Variants in DLGAP2 observed in about 807,000 individuals in gnomAD.
DLGAP2 encodes disks large-associated protein 2.
In DLGAP2, 26 loss-of-function variants were observed where a neutral mutation model predicts 100.3. The ratio of observed to expected loss-of-function variants is 0.26; its 90% CI spans 0.19 to 0.36. The LOEUF is 0.36. DLGAP2 is among the 10% of genes least tolerant of loss of function. DLGAP2 has a pLI of 1.00. For missense variants in DLGAP2, 1,858 were observed against 1,453.2 expected, an observed-to-expected ratio of 1.28 and a Z score of -4.53; for synonymous variants, 886 against 630.1, an observed-to-expected ratio of 1.41 and a Z score of -6.08.
At chr8:1,456,731 CGGTCGTTGG>C (rs1462546053) in intron 3 of DLGAP2, among the ~76,000 whole-genome samples, 2 of 12,098 alleles carry the variant, frequency 1.7e-4, no homozygotes, top group Admixed American at 9.8e-4. Context: ...CTGAAGGCCC[CGGTCGTTGG>C]ACGTCAGCAG....
chr8:1,542,462 C>G (rs536180268), intron 4 of DLGAP2, among the ~76,000 whole-genome samples: 3 of 152,242 alleles, frequency 2.0e-5, no homozygotes, highest in Non-Finnish European at 4.4e-5. Context: ...TCTGCCTGTT[C>G]TGCACACTTC....
intron 6 of DLGAP2, among the ~76,000 whole-genome samples, chr8:1,602,516 A>T (rs551816601): frequency 1.3e-4 from 20 of 152,280 alleles, no homozygotes; most frequent in Non-Finnish European, 2.4e-4. Flanking sequence ...GCCCGAATCC[A>T]CGGAGGCCGG....
intron 3 of DLGAP2, among the ~76,000 whole-genome samples, chr8:1,425,558 C>T (rs1797215391): frequency 1.3e-5 from 2 of 152,178 alleles, no homozygotes; most frequent in African/African-American, 4.8e-5. Flanking sequence ...GAAGGCGTTC[C>T]TCTGGATCCC....
At chr8:1,391,553 C>G (rs1035476292) in intron 3 of DLGAP2, among the ~76,000 whole-genome samples, 1 of 152,148 alleles carries the variant, frequency 6.6e-6, no homozygotes, top group Non-Finnish European at 1.5e-5. Context: ...TCAGTTGGAG[C>G]GCTACCAGCA....
intron 6 of DLGAP2, among the ~76,000 whole-genome samples, chr8:1,613,720 T>A (rs1223567068): frequency 6.6e-6 from 1 of 152,162 alleles, no homozygotes; most frequent in Non-Finnish European, 1.5e-5. Context: ...ACAGCAGCAG[T>A]AAAGCCCTTT....
At chr8:1,500,283 G>T (rs1000045241) in intron 3 of DLGAP2, among the ~76,000 whole-genome samples, 5 of 152,220 alleles carry the variant, frequency 3.3e-5, no homozygotes, top group Non-Finnish European at 4.4e-5. Context: ...GTGTCGGGCA[G>T]AGCCTCCCTG....
chr8:1,027,550 C>G (rs1363598699), intron 2 of DLGAP2, among the ~76,000 whole-genome samples: 2 of 150,130 alleles, frequency 1.3e-5, no homozygotes, highest in Admixed American at 6.6e-5. Context: ...CATTATTCTC[C>G]AGGTGGGGTG....
At chr8:1,490,057 AT>A (rs142682116) in intron 3 of DLGAP2, among the ~76,000 whole-genome samples, 1 of 150,926 alleles carries the variant, frequency 6.6e-6, no homozygotes, top group Non-Finnish European at 1.5e-5. Context: ...GCACCCGGCT[AT>A]TTTTTTTGCA....
intron 4 of DLGAP2, among the ~76,000 whole-genome samples, chr8:1,516,271 A>G (rs866311170): frequency 4.0e-5 from 6 of 151,500 alleles, no homozygotes; most frequent in Admixed American, 6.6e-5. Flanking sequence ...GAGCACACAA[A>G]TGAGTGACTG....
intron 1 of DLGAP2, among the ~76,000 whole-genome samples, chr8:815,428 A>G (rs1438600676): frequency 6.6e-6 from 1 of 152,208 alleles, no homozygotes; most frequent in Admixed American, 6.5e-5. Flanking sequence ...TCAGACCATC[A>G]CAGTGGTCAG....
At chr8:1,514,994 C>T (rs577610538) in intron 4 of DLGAP2, among the ~76,000 whole-genome samples, 11 of 151,330 alleles carry the variant, frequency 7.3e-5, no homozygotes, top group South Asian at 2.1e-4. Context: ...GAGAGACTGA[C>T]GTGGAGGGAG....
At chr8:878,600 C>T (rs1015659568) in intron 1 of DLGAP2, among the ~76,000 whole-genome samples, 4 of 152,266 alleles carry the variant, frequency 2.6e-5, no homozygotes, top group Middle Eastern at 3.4e-3. Flanking sequence ...CCAAAACTCA[C>T]TGAGGCTTGG....
intron 2 of DLGAP2, among the ~76,000 whole-genome samples, chr8:1,033,303 T>C (rs1233261314): frequency 6.6e-6 from 1 of 152,172 alleles, no homozygotes; most frequent in Non-Finnish European, 1.5e-5. Context: ...TTGCTTCTCT[T>C]AGAAAACACA....
intron 10 of DLGAP2, among the ~76,000 whole-genome samples, chr8:1,674,792 G>T (rs942327779): frequency 1.3e-5 from 2 of 152,114 alleles, no homozygotes; most frequent in African/African-American, 4.8e-5. Context: ...AATTTCCCCT[G>T]CACTGAAGGC....
At chr8:1,526,325 G>T (rs1295033779) in intron 4 of DLGAP2, among the ~76,000 whole-genome samples, 1 of 151,804 alleles carries the variant, frequency 6.6e-6, no homozygotes, top group Non-Finnish European at 1.5e-5. Context: ...TTACCTGCAC[G>T]CCTACCGGCA....
intron 1 of DLGAP2, among the ~76,000 whole-genome samples, chr8:810,059 G>A (rs1023944987): frequency 6.6e-6 from 1 of 152,192 alleles, no homozygotes; most frequent in African/African-American, 2.4e-5. Flanking sequence ...CAGCACGACT[G>A]GGGGTGTGAG....
chr8:1,236,210 ATGG>A (rs1331052808), intron 2 of DLGAP2, among the ~76,000 whole-genome samples: 36 of 105,600 alleles, frequency 3.4e-4, no homozygotes, highest in Non-Finnish European at 4.9e-4. Context: ...GTTCTCTCAC[ATGG>A]CGCCGTGTCT....
At chr8:1,563,840 G>T (rs976817002) in intron 5 of DLGAP2, among the ~76,000 whole-genome samples, 1 of 152,102 alleles carries the variant, frequency 6.6e-6, no homozygotes, top group South Asian at 2.1e-4. Flanking sequence ...TAGTGCTGTC[G>T]ATCGGCTCAC....
chr8:1,017,794 C>T (rs1487715367), intron 2 of DLGAP2, among the ~76,000 whole-genome samples: 1 of 151,994 alleles, frequency 6.6e-6, no homozygotes, highest in Admixed American at 6.6e-5. Flanking sequence ...AAGTGGCCAC[C>T]TCACTCCTCT....
Sources: gnomAD v4.1 joint callset for allele counts (sites outside exome capture counted in the v4.1 genomes callset) on GRCh38, gnomAD v4.1.1 for gene constraint, MANE v1.5 for transcripts, NCBI Gene and HGNC (gene_info 2026-07-23, HGNC 2026-07-21) for gene names.